Variants in RAB11FIP4 observed in about 807,000 individuals in gnomAD.
RAB11FIP4 encodes the protein rab11 family-interacting protein 4.
Under a neutral mutation model 74.3 loss-of-function variants are expected in RAB11FIP4, and 23 were observed. That is an observed-to-expected ratio of 0.31 (90% CI 0.22 to 0.44). RAB11FIP4 has a LOEUF of 0.44. Ranked by LOEUF, RAB11FIP4 falls within the 20% of genes least tolerant of loss-of-function variation. The pLI, the probability that RAB11FIP4 is intolerant of heterozygous loss-of-function variation, is 1.00. For missense variants in RAB11FIP4, 630 were observed against 863.9 expected (o/e 0.73, Z 3.39); for synonymous variants, 360 against 359.9 (o/e 1.00, Z 0.00).
At position 31,494,648 on chromosome 17, in the gene RAB11FIP4, TA is replaced by T. The variant is rs140445300; in HGVS notation, c.337-22994del. Among the ~76,000 whole-genome samples the T allele has an allele frequency of 5.3e-3, 795 of 151,310 alleles. 5 individuals are homozygous for T. The highest frequency in any genetic ancestry group is 0.018 in the African/African-American group (743 of 41,262). The stretch of plus-strand genomic sequence containing the variant: ...TTTTCAATTTTAATTTTAATTTTTT[TA>T]AAAAAAAAGTAGAAATGAGGTGTTA... On this transcript the variant is annotated intron_variant, in intron 3 of 14. Coordinates refer to ENST00000621161, the MANE Select transcript of RAB11FIP4 (RefSeq NM_032932.6).
intron 3 of RAB11FIP4, among the ~76,000 whole-genome samples, chr17:31,443,430 T>C (rs370496031): frequency 1.1e-4 from 16 of 152,232 alleles, no homozygotes; most frequent in East Asian, 3.8e-4. Context: ...CCGCCCAAGA[T>C]TGTGAAACTG....
chr17:31,424,747 T>C (rs940954412), intron 1 of RAB11FIP4, among the ~76,000 whole-genome samples: 2 of 152,072 alleles, frequency 1.3e-5, no homozygotes, highest in Admixed American at 1.3e-4. Context: ...TGCCTAATTT[T>C]TGTATTTCTA....
At chr17:31,523,773 C>T in intron 8 of RAB11FIP4, 120 bp from the exon 9 acceptor site, 2 of 992,872 alleles carry the variant, frequency 2.0e-6, no homozygotes, top group African/African-American at 3.2e-5. Context: ...CCACCCCACA[C>T]ATGACCGTTC....
At chr17:31,445,572 A>ATT (rs2071452462) in intron 3 of RAB11FIP4, among the ~76,000 whole-genome samples, 1 of 10,696 alleles carries the variant, frequency 9.3e-5, no homozygotes, top group Non-Finnish European at 1.5e-4. Flanking sequence ...ATATATATAT[A>ATT]TATATATTTT....
At chr17:31,501,567 T>C (rs1395001910) in intron 3 of RAB11FIP4, among the ~76,000 whole-genome samples, 1 of 152,126 alleles carries the variant, frequency 6.6e-6, no homozygotes, top group African/African-American at 2.4e-5. Context: ...CTGGCTCTGT[T>C]GCCCAGGATG....
At chr17:31,443,883 C>G (rs529607154) in intron 3 of RAB11FIP4, among the ~76,000 whole-genome samples, 1 of 152,318 alleles carries the variant, frequency 6.6e-6, no homozygotes, top group African/African-American at 2.4e-5. Context: ...CCACTGCACT[C>G]CAGGCTGGGC....
chr17:31,483,558 G>A (rs1026948316), intron 3 of RAB11FIP4, among the ~76,000 whole-genome samples: 1 of 152,208 alleles, frequency 6.6e-6, no homozygotes, highest in Admixed American at 6.5e-5. Flanking sequence ...CAGAAGTGGA[G>A]CTATTTTTGT....
chr17:31,517,293 A>T (rs1373168677), intron 3 of RAB11FIP4, among the ~76,000 whole-genome samples: 2 of 151,282 alleles, frequency 1.3e-5, no homozygotes, highest in Non-Finnish European at 2.9e-5. Flanking sequence ...AGCTCTAGGA[A>T]GTCAGTGTGA....
At chr17:31,450,724 A>G (rs1056943823) in intron 3 of RAB11FIP4, among the ~76,000 whole-genome samples, 7 of 149,796 alleles carry the variant, frequency 4.7e-5, no homozygotes, top group Non-Finnish European at 1.0e-4. Context: ...TAAAAGCACC[A>G]TTACCCTGAG....
rs1246266647 is a variant in RAB11FIP4, at chr17:31,419,849, A to G, written c.160-11964A>G. 2.0e-5 allele frequency among the ~76,000 whole-genome samples: 3 copies of G among 151,996 alleles called. No individual in the cohort carries two copies. In the East Asian group the frequency reaches 5.8e-4, roughly 29 times the overall value. ...ACAGGCATGAGCCACTGCGCCCAGC[A>G]GGTTTGTAGTTTTCTTATATTGCTT... On this transcript the variant is annotated intron_variant, in intron 1 of 14. Coordinates refer to ENST00000621161, the MANE Select transcript of RAB11FIP4 (RefSeq NM_032932.6).
intron 1 of RAB11FIP4, chr17:31,392,419 AG>A (rs1450123157): frequency 6.4e-6 from 1 of 155,544 alleles, no homozygotes; most frequent in African/African-American, 2.4e-5. Context: ...GGGCCGGGCC[AG>A]GGGGTGAAAG....
intron 3 of RAB11FIP4, among the ~76,000 whole-genome samples, chr17:31,493,587 C>G (rs2072055401): frequency 1.3e-5 from 2 of 152,146 alleles, no homozygotes; most frequent in Admixed American, 6.5e-5. Flanking sequence ...CCTCGTTTTC[C>G]TGGAAGAAAT....
At chr17:31,524,703 T>C (rs1038094564) in intron 9 of RAB11FIP4, 4 of 247,892 alleles carry the variant, frequency 1.6e-5, no homozygotes, top group Non-Finnish European at 3.2e-5. Flanking sequence ...AGCCAGGATG[T>C]GCCTATTTTG....
intron 10 of RAB11FIP4, chr17:31,526,912 TCC>T (rs1419448307): frequency 6.6e-6 from 1 of 152,376 alleles, no homozygotes; most frequent in African/African-American, 2.4e-5. Flanking sequence ...CCACTGAGAC[TCC>T]GTCTCAAAAC....
chr17:31,477,410 G>A (rs1013246885), intron 3 of RAB11FIP4, among the ~76,000 whole-genome samples: 28 of 152,324 alleles, frequency 1.8e-4, no homozygotes, highest in African/African-American at 6.0e-4. Context: ...GAAGCTGGGT[G>A]CTCCCCGCCC....
intron 1 of RAB11FIP4, among the ~76,000 whole-genome samples, chr17:31,394,013 C>T (rs114343580): frequency 0.011 from 1,748 of 152,248 alleles, 27 homozygotes; most frequent in African/African-American, 0.039. Context: ...TTCTGGCCAC[C>T]GAAACCTCCA....
intron 1 of RAB11FIP4, among the ~76,000 whole-genome samples, chr17:31,412,303 G>A (rs562930237): frequency 4.8e-4 from 73 of 152,318 alleles, no homozygotes; most frequent in African/African-American, 1.7e-3. Context: ...GGTCCCACCC[G>A]TGTCCAGCAA....
chr17:31,469,040 C>A (rs2071713112), intron 3 of RAB11FIP4, among the ~76,000 whole-genome samples: 1 of 152,144 alleles, frequency 6.6e-6, no homozygotes, highest in African/African-American at 2.4e-5. Context: ...GTGTCTGGCA[C>A]AGAATAAGCC....
intron 3 of RAB11FIP4, among the ~76,000 whole-genome samples, chr17:31,473,436 G>A (rs1382249668): frequency 2.0e-5 from 3 of 151,958 alleles, no homozygotes; most frequent in South Asian, 2.1e-4. Context: ...CTAGCTACTC[G>A]GAGGCTGAGA....
Sources: allele counts gnomAD v4.1 joint callset (sites outside exome capture counted in the v4.1 genomes callset), GRCh38; gene constraint gnomAD v4.1.1; transcripts MANE v1.5; gene names NCBI Gene and HGNC (gene_info 2026-07-23, HGNC 2026-07-21).